Variants in MYO5B observed in about 807,000 individuals in gnomAD.
The protein encoded by MYO5B is unconventional myosin-Vb.
MYO5B carries 143 observed loss-of-function variants against 229.3 expected under a neutral mutation model. The ratio of observed to expected loss-of-function variants is 0.62; its 90% CI spans 0.54 to 0.72. The LOEUF (loss-of-function observed/expected upper bound fraction) is 0.72, where lower values mean the gene tolerates loss of function less well. Ranked by LOEUF, MYO5B falls within the 30% of genes least tolerant of loss-of-function variation. The pLI is 0.00. For synonymous variants in MYO5B, 918 were observed against 885.2 expected (o/e 1.04, Z -0.66); for missense variants, 2,321 against 2,331.0 (o/e 1.00, Z 0.09).
intron 26 of MYO5B, among the ~76,000 whole-genome samples, chr18:49,873,169 G>A (rs1239344722): frequency 6.6e-6 from 1 of 152,226 alleles, no homozygotes; most frequent in Non-Finnish European, 1.5e-5. Flanking sequence ...CTAGGATTCA[G>A]CTGAGCAAAT....
chr18:49,950,006 A>G (rs887152671), intron 14 of MYO5B, among the ~76,000 whole-genome samples: 16 of 152,150 alleles, frequency 1.1e-4, no homozygotes, highest in African/African-American at 3.6e-4. Context: ...TCACTCTTTG[A>G]TTTGCAGCTG....
At chr18:49,897,942 C>T (rs1280679778) in intron 21 of MYO5B, among the ~76,000 whole-genome samples, 5 of 152,194 alleles carry the variant, frequency 3.3e-5, no homozygotes, top group African/African-American at 4.8e-5. Flanking sequence ...GTGCCCTATA[C>T]GGGTGTGCCA....
intron 8 of MYO5B, among the ~76,000 whole-genome samples, chr18:49,981,495 C>T (rs2025814012): frequency 6.6e-6 from 1 of 152,226 alleles, no homozygotes; most frequent in African/African-American, 2.4e-5. Flanking sequence ...AACATTAACT[C>T]TAGGCTTTTA....
At chr18:50,034,290 T>C (rs908807678) in intron 4 of MYO5B, among the ~76,000 whole-genome samples, 1 of 152,202 alleles carries the variant, frequency 6.6e-6, no homozygotes, top group Non-Finnish European at 1.5e-5. Flanking sequence ...TGTCTAAAAC[T>C]GATAGAGAAG....
intron 34 of MYO5B, 63 bp downstream of exon 34, chr18:49,843,178 A>G (rs2024080837): frequency 5.0e-6 from 8 of 1,601,792 alleles, no homozygotes; most frequent in African/African-American, 1.3e-5. Flanking sequence ...CAGAGAAGCA[A>G]CAGTAAGGGG....
intron 9 of MYO5B, among the ~76,000 whole-genome samples, chr18:49,976,635 G>C (rs2025754340): frequency 6.6e-6 from 1 of 152,200 alleles, no homozygotes; most frequent in Non-Finnish European, 1.5e-5. Flanking sequence ...AGATGAAGCT[G>C]AGTGAGGCCT....
intron 2 of MYO5B, among the ~76,000 whole-genome samples, chr18:50,045,384 G>A (rs968143203): frequency 1.6e-4 from 25 of 152,280 alleles, no homozygotes; most frequent in African/African-American, 6.0e-4. Context: ...GGCACAGTGA[G>A]TTTGGAGTCC....
chr18:49,848,447 C>T (rs905825790), intron 32 of MYO5B, among the ~76,000 whole-genome samples: 3 of 152,064 alleles, frequency 2.0e-5, no homozygotes, highest in African/African-American at 7.2e-5. Flanking sequence ...CGAGTGACAC[C>T]CAGGGAAGGG....
chr18:50,159,570 T>C (rs1359507502), intron 1 of MYO5B, among the ~76,000 whole-genome samples: 2 of 152,166 alleles, frequency 1.3e-5, no homozygotes, highest in Non-Finnish European at 2.9e-5. Context: ...GTGCTTCTCA[T>C]GCTCACAGTG....
At chr18:49,927,961 G>A (rs546451374) in intron 17 of MYO5B, among the ~76,000 whole-genome samples, 1 of 152,244 alleles carries the variant, frequency 6.6e-6, no homozygotes, top group South Asian at 2.1e-4. Context: ...GACAACCCAC[G>A]GAGTGGGAGA....
chr18:50,018,648 A>G lies in MYO5B; in HGVS notation c.456-17237T>C, dbSNP rs189208268. ...CCCCATGCTACAGATAAGGAAACAG[A>G]GAGCTGGTATCACTTGCCTGAGGTC... On this transcript the variant is annotated intron_variant, in intron 4 of 39. Transcript: ENST00000285039. Among the ~76,000 whole-genome samples, 301 of 152,298 alleles carry G rather than the reference A, an allele frequency of 2.0e-3. 1 individual carries two copies. Among genetic ancestry groups the G allele is most frequent in the African/African-American group, 3.4e-3 (140 of 41,570 alleles).
chr18:50,031,497 C>G (rs1365825582), intron 4 of MYO5B, among the ~76,000 whole-genome samples: 1 of 152,122 alleles, frequency 6.6e-6, no homozygotes, highest in East Asian at 1.9e-4. Context: ...TCTTGAGCAC[C>G]AATCATATGC....
chr18:50,071,475 A>G (rs1347612467), intron 1 of MYO5B, among the ~76,000 whole-genome samples: 1 of 152,220 alleles, frequency 6.6e-6, no homozygotes, highest in East Asian at 1.9e-4. Flanking sequence ...CTCTAGCACT[A>G]TAGATTCTTG....
chr18:49,861,996 T>G (rs927454532), intron 29 of MYO5B, among the ~76,000 whole-genome samples: 2 of 92,836 alleles, frequency 2.2e-5, no homozygotes, highest in South Asian at 3.6e-4. Flanking sequence ...CAGCTCCATG[T>G]TTTTTTTTTT....
chr18:49,832,518 G>A (rs780140740), intron 39 of MYO5B, among the ~76,000 whole-genome samples: 26 of 152,234 alleles, frequency 1.7e-4, no homozygotes, highest in Non-Finnish European at 1.5e-5. Flanking sequence ...CTTAAACCTC[G>A]AAACAGGCCA....
chr18:50,122,756 CA>C (rs1156774504), intron 1 of MYO5B, among the ~76,000 whole-genome samples: 13 of 151,660 alleles, frequency 8.6e-5, no homozygotes, highest in Non-Finnish European at 1.6e-4. Context: ...ATCAAAACCA[CA>C]ATAAGACACC....
At chr18:49,874,374 GTCTGATGTCA>G (rs1328220806) in intron 26 of MYO5B, among the ~76,000 whole-genome samples, 15 of 152,228 alleles carry the variant, frequency 9.9e-5, no homozygotes, top group African/African-American at 3.6e-4. Context: ...ATCAGGCACC[GTCTGATGTCA>G]TCTGTGTAGC....
In MYO5B at chr18:49,963,788, G is replaced by A. The variant is rs1293397023; in HGVS notation, c.1323-758C>T. On this transcript the variant is annotated intron_variant, in intron 10 of 39. Transcript: ENST00000285039. Reference sequence around the variant, plus strand: ...AAACACTTCCCCACACCACTGTTCTGAAGGCATCAGTTTTAACATCTGTCT... The same window carrying A: ...AAACACTTCCCCACACCACTGTTCTAAAGGCATCAGTTTTAACATCTGTCT... 2.6e-5 allele frequency among the ~76,000 whole-genome samples: 4 copies of A among 152,200 alleles called. No individual in the cohort carries two copies. The East Asian group carries it at 5.8e-4, about 22-fold the overall frequency.
chr18:49,863,531 C>T (rs981415088), intron 28 of MYO5B, among the ~76,000 whole-genome samples: 13 of 152,178 alleles, frequency 8.5e-5, no homozygotes, highest in Non-Finnish European at 1.5e-5. Flanking sequence ...CAGGCTGAGA[C>T]AGAGCTGCAT....
Sources: gnomAD v4.1 joint callset for allele counts (sites outside exome capture counted in the v4.1 genomes callset) on GRCh38, gnomAD v4.1.1 for gene constraint, MANE v1.5 for transcripts, NCBI Gene and HGNC (gene_info 2026-07-23, HGNC 2026-07-21) for gene names.